The following NUP107 variants were observed in gnomAD, a reference collection of about 807,000 sequenced individuals.
The protein encoded by NUP107 is nucleoporin 107.
In NUP107, 101 loss-of-function variants were observed where a neutral mutation model predicts 141.0. The ratio of observed to expected loss-of-function variants is 0.72; its 90% confidence interval spans 0.61 to 0.84. The LOEUF is 0.84. Among genes scored for constraint, NUP107 ranks in the 40% least tolerant of loss-of-function variants. NUP107 has a pLI of 0.00. For synonymous variants in NUP107, 319 were observed against 363.9 expected, an observed-to-expected ratio of 0.88 and a Z score of 1.41; for missense variants, 941 against 1,102.7, an observed-to-expected ratio of 0.85 and a Z score of 2.08.
chr12:68,726,411 T>C (rs576089602), intron 18 of NUP107, 88 bp from the exon 19 acceptor site: 1 of 806,550 alleles, frequency 1.2e-6, no homozygotes, highest in South Asian at 1.5e-5. Flanking sequence ...GAAAGCACTA[T>C]AGGAGTGAAA....
intron 24 of NUP107, 42 bp from the exon 25 acceptor site, chr12:68,734,666 T>C: frequency 7.0e-7 from 1 of 1,434,056 alleles, no homozygotes; most frequent in African/African-American, 1.4e-5. Context: ...AAGTGAAAAC[T>C]TTTGTTATTT....
At chr12:68,722,699 T>C (rs1223792027) in intron 17 of NUP107, among the ~76,000 whole-genome samples, 2 of 152,202 alleles carry the variant, frequency 1.3e-5, no homozygotes. Context: ...TTTTGTGTTT[T>C]TCACATTTTA....
Position 68,743,675 on chromosome 12 carries a change from T to C in NUP107, c.*1213T>C, listed in dbSNP as rs1172542668. ...GACAACTAAAAGAATGTGATTCTAA[T>C]AGAAAACAGTAATTCCCCAAACTTG... On this transcript the variant is annotated 3_prime_UTR_variant, in exon 28 of 28. Coordinates refer to ENST00000229179, the MANE Select transcript of NUP107 (RefSeq NM_020401.4). The C allele has an allele frequency of 6.6e-6, 1 of 152,132 alleles. No homozygotes were observed. Among genetic ancestry groups the C allele is most frequent in the Non-Finnish European group, 1.5e-5 (1 of 68,010 alleles). The allele number at this position is 152,132 out of a possible 1,614,324, so 9.4% of individuals were successfully genotyped here. A position where few individuals can be genotyped will look rare whatever the true frequency, so the allele number is the denominator to read the frequency against.
At chr12:68,691,776 T>C (rs1875795980) in intron 4 of NUP107, among the ~76,000 whole-genome samples, 192 bp from the exon 5 acceptor site, 1 of 151,740 alleles carries the variant, frequency 6.6e-6, no homozygotes, top group Non-Finnish European at 1.5e-5. Flanking sequence ...AAAGGTTGCG[T>C]TGAGCCATGA....
chr12:68,689,625 A>AT lies in NUP107; in HGVS notation c.187+12dup, dbSNP rs1286558349. 16 of 1,600,634 alleles carry AT rather than the reference A, an allele frequency of 1.0e-5. No homozygotes were observed. The South Asian group carries it at 1.3e-4, about 13-fold the overall frequency. On this transcript the variant is annotated splice_region_variant and intron_variant, in intron 3 of 27. Transcript: ENST00000229179. ...TAGCTCATTTCGACAGCCTTGTAAG[A>AT]TTTTTTGCTTTTAAAGCATTTAATA...
intron 1 of NUP107, chr12:68,687,750 G>A (rs879395150): frequency 8.3e-6 from 5 of 602,550 alleles, no homozygotes; most frequent in East Asian, 2.8e-4. Context: ...TTCTAAAGGC[G>A]TTGAATATAT....
chr12:68,730,064 C>A (rs984746893), intron 20 of NUP107, among the ~76,000 whole-genome samples: 1 of 151,794 alleles, frequency 6.6e-6, no homozygotes, highest in Non-Finnish European at 1.5e-5. Context: ...TGGGCTCAAA[C>A]AGTCTTCTCC....
Position 68,742,469 on chromosome 12 carries a change from C to G in NUP107, c.*7C>G, listed in dbSNP as rs1324043658. ...GTATGAAATTCAGTTATAGTTTAATCTTTGTAATCTCACTAATTTTCATGA... is the reference window on the plus strand; with the variant it reads ...GTATGAAATTCAGTTATAGTTTAATGTTTGTAATCTCACTAATTTTCATGA... On this transcript the variant is annotated 3_prime_UTR_variant, in exon 28 of 28. Transcript: ENST00000229179. 1 of 1,361,546 alleles carries G rather than the reference C, an allele frequency of 7.3e-7. No individual in the cohort carries two copies. The highest frequency in any genetic ancestry group is 1.0e-6 in the Non-Finnish European group (1 of 984,338). 84.3% of individuals were successfully genotyped at this position (1,361,546 alleles called of 1,614,324 possible). A position where few individuals can be genotyped will look rare whatever the true frequency, so the allele number is the denominator to read the frequency against.
chr12:68,727,369 G>T lies in NUP107; in HGVS notation c.1714G>T (p.Val572Phe). ...TATGAAGGAGGAAGTTTCTATTGAA[G>T]TTTTAAAGACATACATACAGGTAAA... ...LQTKEEVSIEVLKTYIQLLIR... is the reference protein window; with the variant it reads ...LQTKEEVSIEFLKTYIQLLIR... Residue 572 changes from valine to phenylalanine, a missense_variant, in exon 20 of 28, where the codon GTT becomes TTT. Val to Phe is a conservative substitution (Grantham distance 50). Transcript: ENST00000229179. 2 of 1,510,018 alleles carry T rather than the reference G, an allele frequency of 1.3e-6. No homozygotes were observed. Among genetic ancestry groups the T allele is most frequent in the South Asian group, 1.2e-5 (1 of 83,348 alleles). The allele number at this position is 1,510,018 out of a possible 1,614,324, so 93.5% of individuals were successfully genotyped here.
chr12:68,697,373 A>G (rs947931363), intron 6 of NUP107, among the ~76,000 whole-genome samples: 1 of 151,340 alleles, frequency 6.6e-6, no homozygotes, highest in Non-Finnish European at 1.5e-5. Flanking sequence ...ACAGTGAGCC[A>G]TGGTCACACC....
intron 6 of NUP107, 51 bp downstream of exon 6, chr12:68,696,973 C>A: frequency 9.0e-7 from 1 of 1,110,624 alleles, no homozygotes; most frequent in Non-Finnish European, 1.3e-6. Context: ...TTTTAGTTTT[C>A]ATAAACAGCA....
At chr12:68,710,983 GCTGTGGTTCACAC>G (rs1876826390) in intron 10 of NUP107, among the ~76,000 whole-genome samples, 1 of 151,936 alleles carries the variant, frequency 6.6e-6, no homozygotes, top group Admixed American at 6.6e-5. Flanking sequence ...GAGGCTCGGC[GCTGTGGTTCACAC>G]CTGTAATCCC....
chr12:68,691,862 A>G lies in NUP107; in HGVS notation c.304-106A>G, dbSNP rs554539633. 13 of 924,314 alleles carry G rather than the reference A, an allele frequency of 1.4e-5. No homozygotes were observed. In the East Asian group the frequency reaches 2.6e-4, roughly 18 times the overall value. 57.3% of individuals were successfully genotyped at this position (924,314 alleles called of 1,614,324 possible). ...AAGGGAAAAAAAAAAAAAAAGACGC[A>G]TACATACATATAATTTTTAGAAACC... On this transcript the variant is annotated intron_variant, in intron 4 of 27. Coordinates refer to ENST00000229179, the MANE Select transcript of NUP107 (RefSeq NM_020401.4).
rs762237395 is a variant in NUP107, at chr12:68,713,788, C to G, written c.949C>G (p.Arg317Gly). 6.2e-7 allele frequency: 1 copy of G among 1,609,682 alleles called. No homozygotes were observed. The highest frequency in any genetic ancestry group is 8.5e-7 in the Non-Finnish European group (1 of 1,178,454). ...GCTGACTTCTTACGTTGGAAGTGTTCGTCCGCTTGTCACTGAATTGGTAAA... is the reference window on the plus strand; with the variant it reads ...GCTGACTTCTTACGTTGGAAGTGTTGGTCCGCTTGTCACTGAATTGGTAAA... ...RQLTSYVGSVRPLVTELDPDA... is the reference protein window; with the variant it reads ...RQLTSYVGSVGPLVTELDPDA... Residue 317 changes from arginine to glycine, a missense_variant, in exon 11 of 28, where the codon CGT becomes GGT. Coordinates refer to ENST00000229179, the MANE Select transcript of NUP107 (RefSeq NM_020401.4).
chr12:68,718,435 C>G (rs1208734529), intron 12 of NUP107, among the ~76,000 whole-genome samples: 2 of 152,262 alleles, frequency 1.3e-5, no homozygotes, highest in East Asian at 3.9e-4. Context: ...ACTTATTGGT[C>G]AAGTTGAACA....
rs748802709 is a variant in NUP107 at position 68,721,165 on chromosome 12, G to A, written c.1299G>A (p.Gly433=). The part of the protein sequence containing the change: ...YERAIYAALS[G]NLKQLLPVCD... ...GAGCAATTTATGCAGCTTTAAGTGG[G>A]AATCTTAAGCAGGTATGCAATCTGT... Residue 433 remains glycine (G), a synonymous_variant, in exon 15 of 28, where the codon GGG becomes GGA. Transcript: ENST00000229179. The A allele has an allele frequency of 1.9e-6, 3 of 1,606,854 alleles. No homozygotes were observed. Among genetic ancestry groups the A allele is most frequent in the Non-Finnish European group, 2.6e-6 (3 of 1,174,808 alleles).
chr12:68,704,301 G>A (rs1029258914), intron 8 of NUP107, among the ~76,000 whole-genome samples: 1 of 152,106 alleles, frequency 6.6e-6, no homozygotes, highest in Non-Finnish European at 1.5e-5. Context: ...TTTTTTAAAT[G>A]CAGCAAGTAA....
At chr12:68,739,451 A>G (rs1206070007) in intron 26 of NUP107, among the ~76,000 whole-genome samples, 1 of 152,216 alleles carries the variant, frequency 6.6e-6, no homozygotes, top group African/African-American at 2.4e-5. Context: ...ACTGAGGTGA[A>G]TGTACTGTCT....
At chr12:68,705,105 C>G (rs975125401) in intron 8 of NUP107, among the ~76,000 whole-genome samples, 4 of 152,124 alleles carry the variant, frequency 2.6e-5, no homozygotes, top group Admixed American at 2.0e-4. Flanking sequence ...CCAGGCTGGT[C>G]TCAAACTCCA....
Sources: gnomAD v4.1 joint callset for allele counts (sites outside exome capture counted in the v4.1 genomes callset) on GRCh38, gnomAD v4.1.1 for gene constraint, MANE v1.5 for transcripts, NCBI Gene and HGNC (gene_info 2026-07-23, HGNC 2026-07-21) for gene names.